The following MATCAP2 variants were observed in gnomAD, a reference collection of about 807,000 sequenced individuals.
MATCAP2 encodes the protein microtubule associated tyrosine carboxypeptidase 2, also known as putative tyrosine carboxypeptidase MATCAP2.
At chr7:36,346,783 C>CAG in the MATCAP2 span, among the ~76,000 whole-genome samples, 1 of 152,148 alleles carries the variant, frequency 6.6e-6, no homozygotes, top group Non-Finnish European at 1.5e-5. Flanking sequence ...TTTTTTGAGA[C>CAG]AGAGTGTCGC....
the MATCAP2 span, chr7:36,366,938 C>T: frequency 7.2e-7 from 1 of 1,379,438 alleles, no homozygotes; most frequent in East Asian, 3.0e-5. Context: ...TGGACTCCAG[C>T]ATCGTCGCCC....
chr7:36,357,302 A>G, the MATCAP2 span: 2 of 1,614,208 alleles, frequency 1.2e-6, no homozygotes, highest in Non-Finnish European at 1.7e-6. Flanking sequence ...TGTCACAGGC[A>G]CCAGGGCTTT....
the MATCAP2 span, chr7:36,326,710 G>C: frequency 1.3e-6 from 2 of 1,503,808 alleles, no homozygotes; most frequent in Non-Finnish European, 9.0e-7. Flanking sequence ...CACCTAACTG[G>C]TAATATACAT....
the MATCAP2 span, among the ~76,000 whole-genome samples, chr7:36,336,992 A>G: frequency 1.3e-5 from 2 of 149,594 alleles, no homozygotes; most frequent in Admixed American, 1.4e-4. Context: ...GCTACTTGGG[A>G]GGCTGAAGCA....
At chr7:36,324,263 C>T in the MATCAP2 span, 1 of 152,306 alleles carries the variant, frequency 6.6e-6, no homozygotes, top group African/African-American at 2.4e-5. Flanking sequence ...TAGCTAGACA[C>T]AAGATGCCCA....
the MATCAP2 span, among the ~76,000 whole-genome samples, chr7:36,340,143 T>C: frequency 1.3e-5 from 2 of 152,194 alleles, no homozygotes; most frequent in Non-Finnish European, 2.9e-5. Context: ...GCTGGGATTA[T>C]AGGCATGAGC....
At chr7:36,326,918 C>A in the MATCAP2 span, 5 of 1,590,894 alleles carry the variant, frequency 3.1e-6, no homozygotes, top group South Asian at 2.3e-5. Context: ...TCATAAGAAA[C>A]CTGAAAAAAA....
the MATCAP2 span, among the ~76,000 whole-genome samples, chr7:36,364,815 T>C: frequency 6.6e-6 from 1 of 152,222 alleles, no homozygotes; most frequent in Admixed American, 6.5e-5. Context: ...TCTAGAATTA[T>C]TTCAAGCAGT....
At chr7:36,343,832 T>G in the MATCAP2 span, among the ~76,000 whole-genome samples, 18 of 151,850 alleles carry the variant, frequency 1.2e-4, no homozygotes, top group Admixed American at 1.0e-3. Flanking sequence ...AGTCTGTTAA[T>G]TATAAAAACG....
At chr7:36,389,643 G>A in the MATCAP2 span, among the ~76,000 whole-genome samples, 1 of 152,168 alleles carries the variant, frequency 6.6e-6, no homozygotes, top group Non-Finnish European at 1.5e-5. Context: ...CCAGGAACCC[G>A]ACGCCGTTGG....
the MATCAP2 span, among the ~76,000 whole-genome samples, chr7:36,371,096 G>T: frequency 1.3e-5 from 2 of 152,006 alleles, no homozygotes; most frequent in Non-Finnish European, 2.9e-5. Context: ...GGTAAAGAAC[G>T]TATTTATTTT....
At chr7:36,386,154 C>CG in the MATCAP2 span, among the ~76,000 whole-genome samples, 1 of 147,972 alleles carries the variant, frequency 6.8e-6, no homozygotes, top group Non-Finnish European at 1.5e-5. Flanking sequence ...GACCCTGTCT[C>CG]GGGAAAAAAA....
At chr7:36,334,535 CAAAAAAAAAAAAA>C in the MATCAP2 span, among the ~76,000 whole-genome samples, 10 of 49,524 alleles carry the variant, frequency 2.0e-4, no homozygotes, top group East Asian at 6.9e-4. Context: ...GATCCCATCT[CAAAAAAAAAAAAA>C]AAAAAAAAAA....
chr7:36,385,868 C>T, the MATCAP2 span, among the ~76,000 whole-genome samples: 1 of 145,002 alleles, frequency 6.9e-6, no homozygotes, highest in Non-Finnish European at 1.5e-5. Context: ...AAAGAAAGAA[C>T]TGTTGGGTAG....
At chr7:36,368,840 T>G in the MATCAP2 span, among the ~76,000 whole-genome samples, 5 of 152,192 alleles carry the variant, frequency 3.3e-5, no homozygotes, top group African/African-American at 1.2e-4. Flanking sequence ...GAATCCTCCC[T>G]GCGTGGAATG....
the MATCAP2 span, among the ~76,000 whole-genome samples, chr7:36,346,985 T>C: frequency 6.6e-6 from 1 of 152,148 alleles, no homozygotes; most frequent in Admixed American, 6.5e-5. Context: ...GGTCTCAAAC[T>C]CCTGACCTCA....
At chr7:36,330,074 T>A in the MATCAP2 span, among the ~76,000 whole-genome samples, 7 of 133,338 alleles carry the variant, frequency 5.2e-5, no homozygotes, top group Non-Finnish European at 1.1e-4. Flanking sequence ...TATTTTATTT[T>A]ATTTATTTAT....
At chr7:36,383,304 C>A in the MATCAP2 span, among the ~76,000 whole-genome samples, 19 of 152,064 alleles carry the variant, frequency 1.2e-4, no homozygotes, top group African/African-American at 1.7e-4. Flanking sequence ...CCAGCAATAC[C>A]ATTACTGGGT....
At chr7:36,387,951 T>A in the MATCAP2 span, among the ~76,000 whole-genome samples, 1 of 152,136 alleles carries the variant, frequency 6.6e-6, no homozygotes, top group Non-Finnish European at 1.5e-5. Flanking sequence ...AATGGAAGTA[T>A]CTTTTTCCTT....
Sources: allele counts gnomAD v4.1 joint callset (sites outside exome capture counted in the v4.1 genomes callset), GRCh38; gene constraint gnomAD v4.1.1; transcripts MANE v1.5; gene names NCBI Gene and HGNC (gene_info 2026-07-23, HGNC 2026-07-21).